DZIP1L: variants seen among roughly 807,000 people sequenced by gnomAD.
DZIP1L encodes DAZ interacting zinc finger protein 1 like.
DZIP1L carries 90 observed loss-of-function variants against 88.7 expected under a neutral mutation model. The observed-to-expected ratio is 1.02, with a 90% CI of 0.86 to 1.21. The LOEUF is 1.21. Ranked by LOEUF, DZIP1L falls within the 50% of genes most tolerant of loss-of-function variation. The probability of loss-of-function intolerance (pLI) is 0.00; values close to 1 mark genes in which losing one functional copy is unlikely to be tolerated. For synonymous variants in DZIP1L, 363 were observed against 372.1 expected, an observed-to-expected ratio of 0.98 and a Z score of 0.28; for missense variants, 932 against 955.8, an observed-to-expected ratio of 0.98 and a Z score of 0.33.
At chr3:138,113,500 C>T (rs1426277489) in intron 1 of DZIP1L, 1 of 152,206 alleles carries the variant, frequency 6.6e-6, no homozygotes. Context: ...CCCAAGCTAA[C>T]TTCAGCAGTG....
At chr3:138,085,242 C>T (rs1384290516) in intron 7 of DZIP1L, among the ~76,000 whole-genome samples, 2 of 152,096 alleles carry the variant, frequency 1.3e-5, no homozygotes, top group Non-Finnish European at 2.9e-5. Flanking sequence ...CAACAAAAGC[C>T]AAAATTGACA....
In DZIP1L at chr3:138,071,918, G is replaced by T. The variant is rs186571591; in HGVS notation, c.1423-83C>A. 2.5e-5 allele frequency: 34 copies of T among 1,353,998 alleles called. No homozygotes were observed. The African/African-American group carries it at 4.2e-4, about 17-fold the overall frequency. The allele number at this position is 1,353,998 out of a possible 1,614,324, so 83.9% of individuals were successfully genotyped here. On this transcript the variant is annotated intron_variant, in intron 11 of 15. Coordinates refer to ENST00000327532, the MANE Select transcript of DZIP1L (RefSeq NM_173543.3). Reference sequence around the variant, plus strand: ...TAAGCCTCTCACACCTGCTGCTGCTGGCCTGGGAGTCTGTGATCAGTGCCT... The same window carrying T: ...TAAGCCTCTCACACCTGCTGCTGCTTGCCTGGGAGTCTGTGATCAGTGCCT...
intron 5 of DZIP1L, chr3:138,088,758 T>C: frequency 8.8e-7 from 1 of 1,138,632 alleles, no homozygotes; most frequent in Non-Finnish European, 1.1e-6. Flanking sequence ...TAGTTTCCAT[T>C]TCACTTAAAT....
At chr3:138,102,357 G>T in intron 2 of DZIP1L, 4 of 1,192,818 alleles carry the variant, frequency 3.4e-6, no homozygotes, top group Non-Finnish European at 3.7e-6. Context: ...CTCCATCTTT[G>T]TATGCTTATT....
intron 1 of DZIP1L, among the ~76,000 whole-genome samples, chr3:138,114,593 G>C (rs1461438661): frequency 6.6e-6 from 1 of 152,144 alleles, no homozygotes; most frequent in African/African-American, 2.4e-5. Context: ...GAGGGTGTGA[G>C]AAGCCAAGTC....
At chr3:138,106,733 G>A (rs2042503178) in intron 1 of DZIP1L, among the ~76,000 whole-genome samples, 1 of 152,108 alleles carries the variant, frequency 6.6e-6, no homozygotes, top group African/African-American at 2.4e-5. Flanking sequence ...TCGGGAGGCT[G>A]AGGCAGGAGA....
chr3:138,095,080 AC>A, intron 3 of DZIP1L, 97 bp from the exon 4 acceptor site: 1 of 1,564,868 alleles, frequency 6.4e-7, no homozygotes, highest in Non-Finnish European at 8.7e-7. Flanking sequence ...TCGGTCTCAA[AC>A]CAGCTTCGCT....
Position 138,103,907 on chromosome 3 carries a change from G to A in DZIP1L, c.65C>T (p.Pro22Leu), listed in dbSNP as rs375898856. 7 of 1,613,670 alleles carry A rather than the reference G, an allele frequency of 4.3e-6. No individual in the cohort carries two copies. In the African/African-American group the frequency reaches 9.3e-5, roughly 22 times the overall value. ...ATGGCGAGGCTGAAACTTGAAGGTG[G>A]GGAACGTGTAGGCCCCAAAGAGGGG... is the stretch of plus-strand genomic sequence containing the variant. The part of the protein sequence containing the change: ...SGPLFGAYTF[P>L]TFKFQPRHDS... Residue 22 changes from proline to leucine, a missense_variant, in exon 2 of 16, where the codon CCC becomes CTC. By Grantham distance (98) the Pro-to-Leu change is moderately conservative. Transcript: ENST00000327532.
At chr3:138,076,971 T>C (rs1476213436) in intron 11 of DZIP1L, among the ~76,000 whole-genome samples, 1 of 151,986 alleles carries the variant, frequency 6.6e-6, no homozygotes, top group African/African-American at 2.4e-5. Flanking sequence ...TGTATATACA[T>C]ACATACATGT....
In DZIP1L at chr3:138,087,394, A is replaced by G. The variant is rs552269024; in HGVS notation, c.1000-371T>C. Among the ~76,000 whole-genome samples, 4 of 152,370 alleles carry G rather than the reference A, an allele frequency of 2.6e-5. No individual in the cohort carries two copies. In the South Asian group the frequency reaches 8.3e-4, roughly 32 times the overall value. On this transcript the variant is annotated intron_variant, in intron 6 of 15. Coordinates refer to ENST00000327532, the MANE Select transcript of DZIP1L (RefSeq NM_173543.3). ...AAATCTCAGAGTGGGGAAGCCCATA[A>G]AGAAAATACGAATAATTGGATAATT...
Position 138,103,598 on chromosome 3 carries a change from C to A in DZIP1L, c.374G>T (p.Gly125Val). 3.7e-6 allele frequency: 6 copies of A among 1,607,170 alleles called. No homozygotes were observed. Among genetic ancestry groups the A allele is most frequent in the Non-Finnish European group, 5.1e-6 (6 of 1,179,408 alleles). Residue 125 changes from glycine (G) to valine (V), a missense_variant, in exon 2 of 16, where the codon GGT (glycine) becomes GTT (valine). By Grantham distance (109) the Gly-to-Val change is moderately radical. Transcript: ENST00000327532. ...AGCCTGGCGTCCCAGCTCCTGCTGA[C>A]CACGCTGCTGCTGGCCCAGGCTGGT... ...LQTSLGQQQR[G>V]QQELGRQADE...
At chr3:138,096,544 C>A (rs1418883491) in intron 3 of DZIP1L, among the ~76,000 whole-genome samples, 1 of 152,244 alleles carries the variant, frequency 6.6e-6, no homozygotes, top group East Asian at 1.9e-4. Context: ...TATATGTCTA[C>A]GGAAAAACAA....
At chr3:138,103,068 T>TACACACC (rs1370137117) in intron 2 of DZIP1L, among the ~76,000 whole-genome samples, 1 of 151,876 alleles carries the variant, frequency 6.6e-6, no homozygotes, top group African/African-American at 2.4e-5. Context: ...AAGCACACAT[T>TACACACC]ACACACCACA....
intron 10 of DZIP1L, among the ~76,000 whole-genome samples, chr3:138,079,532 A>G (rs115588539): frequency 0.019 from 2,936 of 152,342 alleles, 99 homozygotes; most frequent in African/African-American, 0.067. Context: ...CAATGTGTAC[A>G]GTGTGTTCCC....
chr3:138,097,080 C>T (rs1414611476), intron 3 of DZIP1L, among the ~76,000 whole-genome samples: 1 of 151,572 alleles, frequency 6.6e-6, no homozygotes, highest in African/African-American at 2.4e-5. Context: ...ACTCAGGAGG[C>T]TGAGGTACGG....
At chr3:138,085,241 C>A (rs529368589) in intron 7 of DZIP1L, among the ~76,000 whole-genome samples, 10 of 152,228 alleles carry the variant, frequency 6.6e-5, no homozygotes, top group East Asian at 3.9e-4. Flanking sequence ...GCAACAAAAG[C>A]CAAAATTGAC....
At chr3:138,088,137 G>C in intron 6 of DZIP1L, among the ~76,000 whole-genome samples, 1 of 152,344 alleles carries the variant, frequency 6.6e-6, no homozygotes, top group Non-Finnish European at 1.5e-5. Context: ...GGGCAAAGGT[G>C]CCAAATAAGA....
At chr3:138,080,817 G>A (rs1461897069) in intron 9 of DZIP1L, among the ~76,000 whole-genome samples, 197 bp from the exon 10 acceptor site, 2 of 152,178 alleles carry the variant, frequency 1.3e-5, no homozygotes, top group Non-Finnish European at 2.9e-5. Context: ...TCTGCCCCTC[G>A]CTATCTGTGA....
chr3:138,111,587 C>T (rs982358859), intron 1 of DZIP1L, among the ~76,000 whole-genome samples: 1 of 152,218 alleles, frequency 6.6e-6, no homozygotes, highest in East Asian at 1.9e-4. Flanking sequence ...CCCAACTACA[C>T]AGAATTAGGG....
Sources: gnomAD v4.1 joint callset for allele counts (sites outside exome capture counted in the v4.1 genomes callset) on GRCh38, gnomAD v4.1.1 for gene constraint, MANE v1.5 for transcripts, NCBI Gene and HGNC (gene_info 2026-07-23, HGNC 2026-07-21) for gene names.